FBXW4: variants seen among roughly 807,000 people sequenced by gnomAD.
FBXW4 encodes F-box and WD repeat domain containing 4.
FBXW4 carries 40 observed loss-of-function variants against 61.8 expected under a neutral mutation model. That is an observed-to-expected ratio of 0.65 (90% CI 0.50 to 0.84). FBXW4 has a LOEUF of 0.84. Among genes scored for constraint, FBXW4 ranks in the 40% least tolerant of loss-of-function variants. The pLI, the probability that FBXW4 is intolerant of heterozygous loss-of-function variation, is 0.00. For missense variants in FBXW4, 672 were observed against 753.8 expected, an observed-to-expected ratio of 0.89 and a Z score of 1.27; for synonymous variants, 311 against 313.8, an observed-to-expected ratio of 0.99 and a Z score of 0.10.
intron 6 of FBXW4, among the ~76,000 whole-genome samples, chr10:101,614,199 G>A (rs1047891227): frequency 6.6e-6 from 1 of 152,254 alleles, no homozygotes; most frequent in African/African-American, 2.4e-5. Context: ...CCCTCCATTA[G>A]TGAGGCCTTA....
At chr10:101,624,091 G>GAC (rs35664019) in intron 6 of FBXW4, among the ~76,000 whole-genome samples, 3,611 of 147,744 alleles carry the variant, frequency 0.024, 77 homozygotes, top group African/African-American at 0.051. Context: ...GACACAGACA[G>GAC]ACACACACAC....
intron 5 of FBXW4, among the ~76,000 whole-genome samples, chr10:101,652,108 C>G (rs1589760917): frequency 6.6e-6 from 1 of 152,006 alleles, no homozygotes; most frequent in South Asian, 2.1e-4. Context: ...TCCACCCCCT[C>G]GCTTCTCCTC....
At chr10:101,693,526 A>G (rs1376851391) in intron 1 of FBXW4, among the ~76,000 whole-genome samples, 1 of 152,224 alleles carries the variant, frequency 6.6e-6, no homozygotes, top group African/African-American at 2.4e-5. Flanking sequence ...AATGAAAATA[A>G]TTGTCTAGAG....
intron 5 of FBXW4, among the ~76,000 whole-genome samples, chr10:101,638,800 G>C (rs1020144597): frequency 6.6e-6 from 1 of 152,140 alleles, no homozygotes; most frequent in Admixed American, 6.6e-5. Flanking sequence ...CCTTTACCTC[G>C]ATGGCTTTCT....
At chr10:101,645,214 T>C (rs1358861951) in intron 5 of FBXW4, among the ~76,000 whole-genome samples, 1 of 152,124 alleles carries the variant, frequency 6.6e-6, no homozygotes, top group Non-Finnish European at 1.5e-5. Context: ...ACAGTTCAGA[T>C]GTGAAGCCAG....
chr10:101,681,492 C>T (rs1461049006), intron 1 of FBXW4, among the ~76,000 whole-genome samples: 1 of 150,396 alleles, frequency 6.6e-6, no homozygotes, highest in Non-Finnish European at 1.5e-5. Flanking sequence ...CCGAGGCAGG[C>T]GGATCACGAG....
At chr10:101,631,645 T>G (rs919111005) in intron 5 of FBXW4, among the ~76,000 whole-genome samples, 15 of 140,060 alleles carry the variant, frequency 1.1e-4, no homozygotes, top group African/African-American at 4.0e-4. Flanking sequence ...TTTTTTTTTT[T>G]GAGACAGAGT....
intron 5 of FBXW4, among the ~76,000 whole-genome samples, chr10:101,662,172 G>T (rs2064250784): frequency 6.6e-6 from 1 of 152,176 alleles, no homozygotes. Context: ...TTTCACTAAA[G>T]AAAGATGTAT....
At chr10:101,619,880 TC>T (rs761678330) in intron 6 of FBXW4, among the ~76,000 whole-genome samples, 3 of 152,114 alleles carry the variant, frequency 2.0e-5, no homozygotes, top group Non-Finnish European at 4.4e-5. Context: ...GGGTCCAGGT[TC>T]TGTGAGAAGC....
intron 5 of FBXW4, among the ~76,000 whole-genome samples, chr10:101,643,564 C>T (rs115603008): frequency 3.9e-5 from 6 of 152,226 alleles, no homozygotes; most frequent in Admixed American, 3.9e-4. Flanking sequence ...GAGCAGATAG[C>T]GGTCTGTGGG....
At chr10:101,651,514 A>G (rs2064145849) in intron 5 of FBXW4, among the ~76,000 whole-genome samples, 1 of 152,120 alleles carries the variant, frequency 6.6e-6, no homozygotes, top group South Asian at 2.1e-4. Flanking sequence ...TCAAACAATC[A>G]TTTTTTTCTT....
chr10:101,655,179 G>A (rs1009440056), intron 5 of FBXW4, among the ~76,000 whole-genome samples: 3 of 152,190 alleles, frequency 2.0e-5, no homozygotes, highest in African/African-American at 7.2e-5. Flanking sequence ...TTGCAGAATT[G>A]TCTGGTTATT....
At chr10:101,655,489 C>A (rs903235049) in intron 5 of FBXW4, among the ~76,000 whole-genome samples, 1 of 152,180 alleles carries the variant, frequency 6.6e-6, no homozygotes, top group Non-Finnish European at 1.5e-5. Context: ...ACTTCAAAGG[C>A]ATTAACACAT....
rs541583398 is a variant in FBXW4, at chr10:101,627,629, C to A, written c.1236-2819G>T. ...AGATTAGAAAGGGCGTGCGCACATG[C>A]AATCTCAGGGTACAACAGATACAAG... On this transcript the variant is annotated intron_variant, in intron 5 of 8. Transcript: ENST00000331272. Among the ~76,000 whole-genome samples the A allele has an allele frequency of 2.0e-5, 3 of 152,302 alleles. No homozygotes were observed. In the South Asian group the frequency reaches 6.2e-4, roughly 32 times the overall value.
chr10:101,686,802 T>A (rs2064538437), intron 1 of FBXW4, among the ~76,000 whole-genome samples: 1 of 151,980 alleles, frequency 6.6e-6, no homozygotes, highest in East Asian at 1.9e-4. Flanking sequence ...ACCCAGCAAG[T>A]TTTTACATCT....
chr10:101,642,748 T>C (rs149315655), intron 5 of FBXW4, among the ~76,000 whole-genome samples: 168 of 152,262 alleles, frequency 1.1e-3, no homozygotes, highest in African/African-American at 3.8e-3. Flanking sequence ...CTTTGGAACA[T>C]TGGAATAAAG....
intron 6 of FBXW4, among the ~76,000 whole-genome samples, chr10:101,623,391 CATAA>C (rs976028154): frequency 3.3e-5 from 5 of 151,886 alleles, no homozygotes; most frequent in Admixed American, 1.3e-4. Flanking sequence ...CTCTAAAAAA[CATAA>C]ATAAATATAG....
At chr10:101,690,690 C>T (rs970093192) in intron 1 of FBXW4, among the ~76,000 whole-genome samples, 9 of 152,146 alleles carry the variant, frequency 5.9e-5, no homozygotes, top group African/African-American at 1.9e-4. Context: ...TGCCCTGGGC[C>T]GGAAGGTCAG....
chr10:101,673,756 T>C, intron 2 of FBXW4, 83 bp from the exon 3 acceptor site: 1 of 1,321,264 alleles, frequency 7.6e-7, no homozygotes, highest in Non-Finnish European at 1.0e-6. Flanking sequence ...AGCTGACCAA[T>C]CCCCAACTTA....
Sources: allele counts gnomAD v4.1 joint callset (sites outside exome capture counted in the v4.1 genomes callset), GRCh38; gene constraint gnomAD v4.1.1; transcripts MANE v1.5; gene names NCBI Gene and HGNC (gene_info 2026-07-23, HGNC 2026-07-21).